Variants in ZFP62 observed in about 807,000 individuals in gnomAD.
ZFP62 encodes zinc finger protein 62 homolog.
A neutral mutation model predicts 56.4 loss-of-function variants in ZFP62; 44 were observed. That is an observed-to-expected ratio of 0.78 (90% CI 0.61 to 1.00). ZFP62 has a LOEUF of 1.00. Among genes scored for constraint, ZFP62 ranks in the 50% least tolerant of loss-of-function variants. ZFP62 has a pLI of 0.00. For missense variants in ZFP62, 1,030 were observed against 1,085.7 expected (o/e 0.95, Z 0.72); for synonymous variants, 421 against 388.9 (o/e 1.08, Z -0.97).
downstream of ZFP62, among the ~76,000 whole-genome samples, chr5:180,843,593 T>C (rs1773357726): frequency 6.6e-6 from 1 of 152,084 alleles, no homozygotes; most frequent in Non-Finnish European, 1.5e-5. Flanking sequence ...GGATAAAAGG[T>C]TTACTTCATA....
At chr5:180,857,721 G>A (rs933222194) in intron 1 of ZFP62, among the ~76,000 whole-genome samples, 2 of 151,436 alleles carry the variant, frequency 1.3e-5, no homozygotes, top group Non-Finnish European at 1.5e-5. Flanking sequence ...TGTCTCCAAC[G>A]CCTGACCTCA....
At chr5:180,842,248 A>G in the ZFP62 span, among the ~76,000 whole-genome samples, 1 of 152,234 alleles carries the variant, frequency 6.6e-6, no homozygotes, top group Non-Finnish European at 1.5e-5. Flanking sequence ...CACAGGAGAT[A>G]CAGTGAGAAG....
chr5:180,855,523 C>G (rs1040415227), intron 1 of ZFP62, among the ~76,000 whole-genome samples: 1 of 152,128 alleles, frequency 6.6e-6, no homozygotes, highest in African/African-American at 2.4e-5. Context: ...TCTCCTGGCT[C>G]CACATATTCC....
Position 180,849,879 on chromosome 5 carries a change from C to G in ZFP62, c.1616G>C (p.Gly539Ala), listed in dbSNP as rs1773595381. The G allele has an allele frequency of 6.4e-7, 1 of 1,551,614 alleles. No individual in the cohort carries two copies. Among genetic ancestry groups the G allele is most frequent in the South Asian group, 1.2e-5 (1 of 84,056 alleles). The change falls in exon 2 of 2, where the codon GGT (glycine) becomes GCT (alanine). Residue 539 changes from glycine to alanine, a missense_variant. Transcript: ENST00000502412. ...GCCAGAATTATTTCTGAAAGCTTTA[C>G]CACACTCATCACACCCAAAGGGTTT... ...REKPFGCDEC[G>A]KAFRNNSGLK...
chr5:180,833,233 C>A, the ZFP62 span, among the ~76,000 whole-genome samples: 13 of 152,214 alleles, frequency 8.5e-5, no homozygotes, highest in African/African-American at 3.1e-4. Context: ...GTAATCCCAG[C>A]ACTTTGGGAG....
the ZFP62 span, among the ~76,000 whole-genome samples, chr5:180,841,322 T>C: frequency 0.23 from 2,836 of 12,158 alleles, 32 homozygotes; most frequent in East Asian, 0.5. Context: ...CATACACACA[T>C]ATATATATAT....
the ZFP62 span, among the ~76,000 whole-genome samples, chr5:180,827,999 C>G: frequency 6.6e-6 from 1 of 152,192 alleles, no homozygotes; most frequent in African/African-American, 2.4e-5. Context: ...ACTCTCTCCC[C>G]GCTATTGTCT....
At chr5:180,839,373 A>C in the ZFP62 span, among the ~76,000 whole-genome samples, 1 of 152,320 alleles carries the variant, frequency 6.6e-6, no homozygotes, top group African/African-American at 2.4e-5. Flanking sequence ...AGTTTCTTTC[A>C]TAACAGTCAC....
intron 1 of ZFP62, among the ~76,000 whole-genome samples, chr5:180,858,226 C>G (rs577969214): frequency 3.0e-4 from 35 of 115,514 alleles, no homozygotes; most frequent in African/African-American, 1.1e-3. Context: ...CATTGCACTT[C>G]AGCCTGGGCA....
In ZFP62 at chr5:180,849,517, G is replaced by A. The variant is rs1194226983; in HGVS notation, c.1978C>T (p.Leu660Phe). ...CEKVFRNNSS[L>F]KVHKRIHTGE... ...GTATGGATTCTTTTATGAACTTTAA[G>A]GCTTGAGTTGTTTCTGAAGACCTTC... The change falls in exon 2 of 2, where the codon CTT (leucine) becomes TTT (phenylalanine). Residue 660 changes from leucine (L) to phenylalanine (F), a missense_variant. Physicochemically the swap from Leu to Phe is conservative, Grantham distance 22. Coordinates refer to ENST00000502412, the MANE Select transcript of ZFP62 (RefSeq NM_001172638.2). 1 of 1,551,986 alleles carries A rather than the reference G, an allele frequency of 6.4e-7. No individual in the cohort carries two copies. The highest frequency in any genetic ancestry group is 1.4e-5 in the African/African-American group (1 of 72,968).
At chr5:180,845,172 A>T (rs1273224799), downstream of ZFP62, among the ~76,000 whole-genome samples, 1 of 151,810 alleles carries the variant, frequency 6.6e-6, no homozygotes, top group Non-Finnish European at 1.5e-5. Flanking sequence ...TTTCTCTACC[A>T]AAAATACCAA....
chr5:180,843,188 A>C (rs1773349708), downstream of ZFP62, among the ~76,000 whole-genome samples: 1 of 151,836 alleles, frequency 6.6e-6, no homozygotes, highest in South Asian at 2.1e-4. Context: ...ATAGGATGGA[A>C]GGTAAGAAGT....
At chr5:180,857,940 G>T (rs920336249) in intron 1 of ZFP62, among the ~76,000 whole-genome samples, 1 of 151,878 alleles carries the variant, frequency 6.6e-6, no homozygotes, top group Non-Finnish European at 1.5e-5. Flanking sequence ...CAAGTGATGG[G>T]TATATGGAAG....
chr5:180,848,253 C>T lies in ZFP62; in HGVS notation c.*539G>A. 13 of 985,502 alleles carry T rather than the reference C, an allele frequency of 1.3e-5. No individual in the cohort carries two copies. Among genetic ancestry groups the T allele is most frequent in the Non-Finnish European group, 1.4e-5 (12 of 830,026 alleles). 61.0% of individuals were successfully genotyped at this position (985,502 alleles called of 1,614,324 possible). ...TTTCAGAAGTCATCATCACTGCCCC[C>T]TCCCAAACCAATTACATCAAGTTTA... On this transcript the variant is annotated 3_prime_UTR_variant, in exon 2 of 2. Transcript: ENST00000502412.
At chr5:180,844,893 GCCA>G (rs1452417308), downstream of ZFP62, among the ~76,000 whole-genome samples, 2 of 152,160 alleles carry the variant, frequency 1.3e-5, no homozygotes, top group Non-Finnish European at 2.9e-5. Flanking sequence ...TTTGGACAGG[GCCA>G]CCACACTTCA....
chr5:180,828,696 T>C, the ZFP62 span, among the ~76,000 whole-genome samples: 1 of 152,146 alleles, frequency 6.6e-6, no homozygotes, highest in Non-Finnish European at 1.5e-5. Context: ...ATGAAATCAG[T>C]GCACCTTGAA....
the ZFP62 span, chr5:180,830,313 T>C: frequency 1.3e-5 from 2 of 152,410 alleles, no homozygotes; most frequent in African/African-American, 4.8e-5. Context: ...TTCTGGCCAC[T>C]GGTATGTGAT....
At chr5:180,839,135 C>T in the ZFP62 span, among the ~76,000 whole-genome samples, 8 of 152,266 alleles carry the variant, frequency 5.3e-5, no homozygotes, top group Admixed American at 5.2e-4. Context: ...TGTCTAAATG[C>T]AAATGTGCCA....
chr5:180,847,930 G>A lies in ZFP62; in HGVS notation c.*862C>T, dbSNP rs1043093388. ...CTGAATCACTTCTGTCATGTAAGGT[G>A]CGAATTCATGTTGACGGTGTGTTCC... On this transcript the variant is annotated 3_prime_UTR_variant, in exon 2 of 2. Coordinates refer to ENST00000502412, the MANE Select transcript of ZFP62 (RefSeq NM_001172638.2). The A allele has an allele frequency of 1.5e-5, 15 of 985,274 alleles. No individual in the cohort carries two copies. In the African/African-American group the frequency reaches 2.6e-4, roughly 17 times the overall value. The allele number at this position is 985,274 out of a possible 1,614,324, so 61.0% of individuals were successfully genotyped here. A position where few individuals can be genotyped will look rare whatever the true frequency, so the allele number is the denominator to read the frequency against.
Sources: allele counts gnomAD v4.1 joint callset (sites outside exome capture counted in the v4.1 genomes callset), GRCh38; gene constraint gnomAD v4.1.1; transcripts MANE v1.5; gene names NCBI Gene and HGNC (gene_info 2026-07-23, HGNC 2026-07-21).